The following DROSHA variants were observed in gnomAD, a reference collection of about 807,000 sequenced individuals.
DROSHA encodes ribonuclease 3.
In DROSHA, 56 loss-of-function variants were observed where a neutral mutation model predicts 181.9. The ratio of observed to expected loss-of-function variants is 0.31; its 90% CI spans 0.25 to 0.38. The LOEUF is 0.38. DROSHA is among the 10% of genes least tolerant of loss of function. The pLI, the probability that DROSHA is intolerant of heterozygous loss-of-function variation, is 1.00. For synonymous variants in DROSHA, 524 were observed against 591.2 expected (o/e 0.89, Z 1.65); for missense variants, 1,218 against 1,743.5 (o/e 0.70, Z 5.37).
intron 10 of DROSHA, among the ~76,000 whole-genome samples, chr5:31,506,845 G>C (rs1477996038): frequency 1.3e-5 from 2 of 152,156 alleles, no homozygotes; most frequent in African/African-American, 4.8e-5. Context: ...CCAAGGTCTG[G>C]GATCCTACAT....
At position 31,521,232 on chromosome 5, in the gene DROSHA, C is replaced by G; in HGVS notation, c.855-17G>C. On this transcript the variant is annotated splice_polypyrimidine_tract_variant and intron_variant, in intron 5 of 35. Coordinates refer to ENST00000344624, the MANE Select transcript of DROSHA (RefSeq NM_001382508.1). ...TCTCGCTCTCTTAAAGGAATTAATA[C>G]ACAGAGCTGTTTTCAACAGAAAGAC... 6.2e-7 allele frequency: 1 copy of G among 1,612,702 alleles called. No homozygotes were observed. The highest frequency in any genetic ancestry group is 1.7e-4 in the Middle Eastern group (1 of 6,060).
At chr5:31,402,271 G>A (rs901421815) in intron 35 of DROSHA, among the ~76,000 whole-genome samples, 6 of 152,146 alleles carry the variant, frequency 3.9e-5, no homozygotes, top group African/African-American at 1.2e-4. Context: ...AGGACAATGC[G>A]TAGTGAAGTG....
chr5:31,426,848 C>T (rs1743532526), intron 27 of DROSHA, among the ~76,000 whole-genome samples: 1 of 152,028 alleles, frequency 6.6e-6, no homozygotes, highest in South Asian at 2.1e-4. Context: ...TGGACTGGAG[C>T]GGTGGGGGAT....
chr5:31,521,728 A>G (rs948626914), intron 5 of DROSHA, among the ~76,000 whole-genome samples: 39 of 152,224 alleles, frequency 2.6e-4, no homozygotes, highest in African/African-American at 9.2e-4. Context: ...CCATGAGGCC[A>G]TGACTAAGTC....
At chr5:31,446,438 C>A in intron 23 of DROSHA, among the ~76,000 whole-genome samples, 1 of 66,398 alleles carries the variant, frequency 1.5e-5, no homozygotes, top group South Asian at 4.5e-4. Flanking sequence ...CAGAGCGAGA[C>A]TCTGTCTCAA....
intron 8 of DROSHA, among the ~76,000 whole-genome samples, chr5:31,513,268 G>A (rs1427020291): frequency 6.6e-6 from 1 of 152,136 alleles, no homozygotes; most frequent in Non-Finnish European, 1.5e-5. Context: ...CTGCAACTGT[G>A]GAAGATGCTC....
chr5:31,430,912 C>T (rs1039897093), intron 26 of DROSHA, among the ~76,000 whole-genome samples: 1 of 152,068 alleles, frequency 6.6e-6, no homozygotes, highest in East Asian at 1.9e-4. Flanking sequence ...AAAAAAAAAT[C>T]AAGTTGTCAA....
chr5:31,459,254 A>T (rs906351407), intron 20 of DROSHA, among the ~76,000 whole-genome samples: 7 of 152,054 alleles, frequency 4.6e-5, no homozygotes, highest in African/African-American at 1.7e-4. Context: ...TACTAGCCAG[A>T]TGAGGTGACA....
intron 10 of DROSHA, among the ~76,000 whole-genome samples, chr5:31,506,137 G>T (rs1283348047): frequency 6.6e-6 from 1 of 152,186 alleles, no homozygotes; most frequent in Non-Finnish European, 1.5e-5. Flanking sequence ...GAGGCGGACG[G>T]ATCACCTGAG....
intron 5 of DROSHA, among the ~76,000 whole-genome samples, chr5:31,525,023 CG>C (rs1740352999): frequency 1.3e-5 from 2 of 151,732 alleles, no homozygotes; most frequent in South Asian, 4.2e-4. Context: ...GGTAAAACCC[CG>C]TCTCTACTAA....
In DROSHA at chr5:31,483,660, A is replaced by G. The variant is rs780568560; in HGVS notation, c.1997-32T>C. On this transcript the variant is annotated intron_variant, in intron 15 of 35. Transcript: ENST00000344624. ...CAAACAAATGAGAAAAAAAAAAAAA[A>G]AAGAAAACTCAGTCTTAAAAAACAA... 10 of 1,553,614 alleles carry G rather than the reference A, an allele frequency of 6.4e-6. No homozygotes were observed. The South Asian group carries it at 1.2e-4, about 19-fold the overall frequency.
chr5:31,410,849 G>A lies in DROSHA; in HGVS notation c.3564C>T (p.Ala1188=). 1 of 1,613,900 alleles carries A rather than the reference G, an allele frequency of 6.2e-7. No individual in the cohort carries two copies. Among genetic ancestry groups the A allele is most frequent in the Non-Finnish European group, 8.5e-7 (1 of 1,179,814 alleles). Reference sequence around the variant, plus strand: ...GCATGCCCAGCTCCTCCGCTACCTTGGCCTGAGTTCTATTATTCACCAAAG... The same window carrying A: ...GCATGCCCAGCTCCTCCGCTACCTTAGCCTGAGTTCTATTATTCACCAAAG... ...RSSLVNNRTQ[A]KVAEELGMQE... Residue 1188 remains alanine (A), a synonymous_variant, in exon 31 of 36, where the codon GCC becomes GCT. Coordinates refer to ENST00000344624, the MANE Select transcript of DROSHA (RefSeq NM_001382508.1).
intron 30 of DROSHA, among the ~76,000 whole-genome samples, chr5:31,419,514 G>C (rs1446670401): frequency 7.2e-6 from 1 of 139,856 alleles, no homozygotes; most frequent in Non-Finnish European, 1.5e-5. Context: ...CTAGATCATG[G>C]ACAGGACTCA....
At chr5:31,491,318 T>C (rs1013397301) in intron 13 of DROSHA, among the ~76,000 whole-genome samples, 1 of 152,212 alleles carries the variant, frequency 6.6e-6, no homozygotes, top group African/African-American at 2.4e-5. Flanking sequence ...CCATCTTATT[T>C]ATTTTTCACA....
intron 27 of DROSHA, among the ~76,000 whole-genome samples, chr5:31,428,937 T>C (rs1191217121): frequency 6.6e-6 from 1 of 152,228 alleles, no homozygotes; most frequent in Non-Finnish European, 1.5e-5. Flanking sequence ...GAAACTATTT[T>C]AGAATCTATC....
At chr5:31,454,984 C>A (rs1747475203) in intron 20 of DROSHA, among the ~76,000 whole-genome samples, 1 of 149,180 alleles carries the variant, frequency 6.7e-6, no homozygotes, top group South Asian at 2.1e-4. Flanking sequence ...ATACCAATAA[C>A]CTTCGAAATA....
chr5:31,442,318 T>C (rs570946358), intron 23 of DROSHA, among the ~76,000 whole-genome samples: 6 of 152,346 alleles, frequency 3.9e-5, no homozygotes, highest in South Asian at 2.1e-4. Context: ...TATTATACTC[T>C]ACAATTCCTA....
At chr5:31,407,695 G>A (rs1456397566) in intron 33 of DROSHA, among the ~76,000 whole-genome samples, 4 of 152,132 alleles carry the variant, frequency 2.6e-5, no homozygotes, top group Non-Finnish European at 4.4e-5. Context: ...AACTCATCTT[G>A]TACTTTCATT....
intron 16 of DROSHA, among the ~76,000 whole-genome samples, chr5:31,482,005 G>GGC (rs1751081776): frequency 6.6e-6 from 1 of 152,234 alleles, no homozygotes; most frequent in Admixed American, 6.5e-5. Context: ...GAGGAAGCCA[G>GGC]ACTCCGACAG....
Sources: allele counts gnomAD v4.1 joint callset (sites outside exome capture counted in the v4.1 genomes callset), GRCh38; gene constraint gnomAD v4.1.1; transcripts MANE v1.5; gene names NCBI Gene and HGNC (gene_info 2026-07-23, HGNC 2026-07-21).